The following ANKRD55 variants were observed in gnomAD, a reference collection of about 807,000 sequenced individuals.
The protein encoded by ANKRD55 is ankyrin repeat domain-containing protein 55.
ANKRD55 carries 41 observed loss-of-function variants against 60.6 expected under a neutral mutation model. The ratio of observed to expected loss-of-function variants is 0.68; its 90% CI spans 0.53 to 0.88. The LOEUF is 0.88. Among genes scored for constraint, ANKRD55 ranks in the 40% least tolerant of loss-of-function variants. The pLI, the probability that ANKRD55 is intolerant of heterozygous loss-of-function variation, is 0.00. For synonymous variants in ANKRD55, 264 were observed against 290.3 expected (o/e 0.91, Z 0.92); for missense variants, 732 against 767.6 (o/e 0.95, Z 0.55).
At chr5:56,135,269 T>C in intron 7 of ANKRD55, among the ~76,000 whole-genome samples, 1 of 105,362 alleles carries the variant, frequency 9.5e-6, no homozygotes, top group Non-Finnish European at 1.8e-5. Flanking sequence ...CTTCTTTCCC[T>C]CCCTCCCTCC....
chr5:56,194,561 A>G (rs1448318136), intron 2 of ANKRD55, among the ~76,000 whole-genome samples: 1 of 152,158 alleles, frequency 6.6e-6, no homozygotes. Flanking sequence ...CTTTAAAATT[A>G]TCATGGGCCT....
chr5:56,155,585 T>C (rs1758170830), intron 6 of ANKRD55, among the ~76,000 whole-genome samples: 1 of 152,178 alleles, frequency 6.6e-6, no homozygotes, highest in Non-Finnish European at 1.5e-5. Context: ...TATGAGGGAC[T>C]CCATTTTGAT....
chr5:56,101,482 A>G (rs2111649824), intron 11 of ANKRD55, among the ~76,000 whole-genome samples: 1 of 152,310 alleles, frequency 6.6e-6, no homozygotes, highest in African/African-American at 2.4e-5. Context: ...AGTATTGCTT[A>G]TTTCATGAGG....
chr5:56,149,544 A>G (rs1042224527), intron 6 of ANKRD55, among the ~76,000 whole-genome samples: 1 of 152,184 alleles, frequency 6.6e-6, no homozygotes, highest in Non-Finnish European at 1.5e-5. Flanking sequence ...TTTCAACAAA[A>G]AAAGAACATC....
chr5:56,171,846 G>T (rs1313912689), intron 4 of ANKRD55, among the ~76,000 whole-genome samples: 3 of 152,028 alleles, frequency 2.0e-5, no homozygotes, highest in Non-Finnish European at 2.9e-5. Flanking sequence ...TGTCTGGGCA[G>T]GGTGGCTCAC....
chr5:56,158,339 T>C (rs1758247132), intron 6 of ANKRD55, among the ~76,000 whole-genome samples: 1 of 152,198 alleles, frequency 6.6e-6, no homozygotes. Context: ...ACTTTCTTAG[T>C]GAAATGCAAC....
At chr5:56,143,516 G>T (rs1211120725) in intron 7 of ANKRD55, among the ~76,000 whole-genome samples, 2 of 152,274 alleles carry the variant, frequency 1.3e-5, no homozygotes, top group East Asian at 3.9e-4. Flanking sequence ...ATTCTTTGAA[G>T]GTTTACTCTG....
chr5:56,166,575 T>A (rs1282125223), intron 5 of ANKRD55, among the ~76,000 whole-genome samples: 3 of 152,090 alleles, frequency 2.0e-5, no homozygotes, highest in Non-Finnish European at 4.4e-5. Context: ...TTCAGGGATT[T>A]TAGATTGTTT....
At chr5:56,146,086 A>C (rs933288932) in intron 6 of ANKRD55, among the ~76,000 whole-genome samples, 1 of 152,168 alleles carries the variant, frequency 6.6e-6, no homozygotes, top group African/African-American at 2.4e-5. Flanking sequence ...CATTTGCTTC[A>C]TTGCAAATGA....
intron 6 of ANKRD55, among the ~76,000 whole-genome samples, chr5:56,158,733 A>C (rs1758255331): frequency 6.6e-6 from 1 of 152,152 alleles, no homozygotes; most frequent in Non-Finnish European, 1.5e-5. Flanking sequence ...TCACTCTGTC[A>C]CCCAGGCTAG....
At chr5:56,172,591 T>C (rs1758635382) in intron 4 of ANKRD55, among the ~76,000 whole-genome samples, 2 of 151,734 alleles carry the variant, frequency 1.3e-5, no homozygotes, top group African/African-American at 4.9e-5. Context: ...TTTTTTTTCC[T>C]GAAGATAAAA....
chr5:56,194,790 T>C (rs868432100), intron 2 of ANKRD55, among the ~76,000 whole-genome samples: 1 of 152,220 alleles, frequency 6.6e-6, no homozygotes, highest in African/African-American at 2.4e-5. Context: ...TTAATGCTAT[T>C]TGAGGATGCT....
intron 4 of ANKRD55, among the ~76,000 whole-genome samples, chr5:56,173,234 G>A (rs938846323): frequency 1.3e-5 from 2 of 152,144 alleles, no homozygotes; most frequent in African/African-American, 4.8e-5. Flanking sequence ...GTCTCACTCT[G>A]TCGCCCAGGC....
chr5:56,171,435 T>C (rs1011142063), intron 4 of ANKRD55, among the ~76,000 whole-genome samples: 11 of 152,194 alleles, frequency 7.2e-5, no homozygotes, highest in African/African-American at 2.7e-4. Context: ...TATGGCCACA[T>C]CTCATGCTTG....
In ANKRD55 at chr5:56,232,943, GTCTCT is replaced by G. The variant is rs1272239333; in HGVS notation, c.-33-2_-31del. On this transcript the variant is annotated splice_acceptor_variant and 5_prime_UTR_variant, in exon 2 of 12. Coordinates refer to ENST00000341048, the MANE Select transcript of ANKRD55 (RefSeq NM_024669.3). LOFTEE classifies it low-confidence loss of function (5UTR_SPLICE). ...CATCAGAATGGCAAAAAGCATCCAG[GTCTCT>G]AGAGAGGAGAAAACACCATCTCAAA... The G allele has an allele frequency of 6.2e-7, 1 of 1,609,852 alleles. No individual in the cohort carries two copies. Among genetic ancestry groups the G allele is most frequent in the Non-Finnish European group, 8.5e-7 (1 of 1,176,352 alleles).
chr5:56,187,576 G>A (rs1050932109), intron 2 of ANKRD55, among the ~76,000 whole-genome samples: 8 of 152,160 alleles, frequency 5.3e-5, no homozygotes, highest in Non-Finnish European at 1.0e-4. Flanking sequence ...TCGCAGACCC[G>A]CCGCTGACTT....
At chr5:56,178,193 CTTT>C (rs532357908) in intron 3 of ANKRD55, among the ~76,000 whole-genome samples, 4 of 143,004 alleles carry the variant, frequency 2.8e-5, no homozygotes, top group Non-Finnish European at 1.5e-5. Context: ...TCTTTTCTTT[CTTT>C]TTTTTTTTTT....
intron 5 of ANKRD55, among the ~76,000 whole-genome samples, chr5:56,166,701 C>A (rs1758493484): frequency 6.6e-6 from 1 of 152,004 alleles, no homozygotes; most frequent in Non-Finnish European, 1.5e-5. Flanking sequence ...AGGTGGGACA[C>A]AAATTGAGTT....
intron 4 of ANKRD55, among the ~76,000 whole-genome samples, chr5:56,173,273 C>T (rs901523455): frequency 2.0e-5 from 3 of 152,188 alleles, no homozygotes; most frequent in African/African-American, 7.2e-5. Flanking sequence ...TCTCGGCTCA[C>T]TGCAGCCTCC....
Sources: gnomAD v4.1 joint callset for allele counts (sites outside exome capture counted in the v4.1 genomes callset) on GRCh38, gnomAD v4.1.1 for gene constraint, MANE v1.5 for transcripts, NCBI Gene and HGNC (gene_info 2026-07-23, HGNC 2026-07-21) for gene names.